Variants in GAB4 observed in about 807,000 individuals in gnomAD.
The protein encoded by GAB4 is GRB2 associated binding protein family member 4.
GAB4 carries 26 observed loss-of-function variants against 51.3 expected under a neutral mutation model. The observed-to-expected ratio is 0.51, with a 90% CI of 0.37 to 0.70. GAB4 has a LOEUF of 0.70. Among genes scored for constraint, GAB4 ranks in the 30% least tolerant of loss-of-function variants. The pLI is 0.00. For missense variants in GAB4, 759 were observed against 734.6 expected, an observed-to-expected ratio of 1.03 and a Z score of -0.38; for synonymous variants, 329 against 291.2, an observed-to-expected ratio of 1.13 and a Z score of -1.32.
intron 1 of GAB4, among the ~76,000 whole-genome samples, chr22:17,003,818 A>G (rs1208733206): frequency 6.6e-6 from 1 of 152,220 alleles, no homozygotes; most frequent in African/African-American, 2.4e-5. Context: ...AACACAAACT[A>G]AGATCAGAGC....
At chr22:16,995,648 C>T (rs112858598) in intron 1 of GAB4, among the ~76,000 whole-genome samples, 3,358 of 152,300 alleles carry the variant, frequency 0.022, 57 homozygotes, top group Middle Eastern at 0.068. Flanking sequence ...CTGCAGCCTC[C>T]ACTGGTGATA....
chr22:16,984,528 C>T (rs938114712), intron 3 of GAB4, among the ~76,000 whole-genome samples: 3 of 152,164 alleles, frequency 2.0e-5, no homozygotes, highest in Non-Finnish European at 4.4e-5. Flanking sequence ...GCTGGTTCTC[C>T]GTAAGCTGAG....
At chr22:17,001,203 A>C (rs531707135) in intron 1 of GAB4, among the ~76,000 whole-genome samples, 2 of 152,308 alleles carry the variant, frequency 1.3e-5, no homozygotes, top group South Asian at 4.1e-4. Context: ...TAGGTTGGGG[A>C]AATTCTCCTG....
At chr22:16,984,804 C>T (rs755416348) in intron 3 of GAB4, among the ~76,000 whole-genome samples, 3 of 152,212 alleles carry the variant, frequency 2.0e-5, no homozygotes, top group Non-Finnish European at 2.9e-5. Flanking sequence ...TCAGAATTAG[C>T]AGATCCCTTC....
At chr22:16,975,107 G>GTAGGAGT (rs1402631197) in intron 3 of GAB4, among the ~76,000 whole-genome samples, 3 of 152,218 alleles carry the variant, frequency 2.0e-5, no homozygotes, top group Admixed American at 6.5e-5. Flanking sequence ...CGAGCTAGCT[G>GTAGGAGT]TAGGAGTTTT....
chr22:16,989,285 G>A (rs1169787923), intron 2 of GAB4, among the ~76,000 whole-genome samples: 1 of 152,248 alleles, frequency 6.6e-6, no homozygotes. Flanking sequence ...TTTGGGTGGT[G>A]TTGATGGTGG....
chr22:16,969,625 G>A (rs2041607), intron 4 of GAB4: 228,312 of 620,860 alleles, frequency 0.37, 43,324 homozygotes, highest in South Asian at 0.46. Flanking sequence ...TGGTGACATC[G>A]GCTGTTGTCT....
intron 3 of GAB4, among the ~76,000 whole-genome samples, chr22:16,971,575 C>T (rs2060732550): frequency 6.6e-6 from 1 of 152,216 alleles, no homozygotes; most frequent in Non-Finnish European, 1.5e-5. Flanking sequence ...ATCCTTATAG[C>T]AGGAGTTCTC....
At chr22:17,003,043 T>A (rs1179417399) in intron 1 of GAB4, among the ~76,000 whole-genome samples, 1 of 152,078 alleles carries the variant, frequency 6.6e-6, no homozygotes, top group African/African-American at 2.4e-5. Context: ...TAGTCTCTGA[T>A]AAAACACACT....
intron 1 of GAB4, among the ~76,000 whole-genome samples, chr22:17,004,179 T>G (rs954658399): frequency 6.6e-6 from 1 of 152,056 alleles, no homozygotes; most frequent in African/African-American, 2.4e-5. Context: ...AAGCAATAAT[T>G]AATAGCCTAT....
chr22:16,989,978 T>G (rs1052641635), intron 2 of GAB4, among the ~76,000 whole-genome samples: 3 of 151,850 alleles, frequency 2.0e-5, no homozygotes, highest in Non-Finnish European at 4.4e-5. Context: ...CAAGCAGGTG[T>G]CCCCGATGCT....
chr22:16,994,023 G>C (rs560426945), intron 1 of GAB4, among the ~76,000 whole-genome samples: 36 of 151,626 alleles, frequency 2.4e-4, no homozygotes, highest in African/African-American at 6.1e-4. Flanking sequence ...CCTCTACTAG[G>C]ATCATTCCCA....
chr22:16,974,495 C>T (rs903701070), intron 3 of GAB4, among the ~76,000 whole-genome samples: 2 of 152,158 alleles, frequency 1.3e-5, no homozygotes, highest in African/African-American at 2.4e-5. Context: ...CAGCCAGCAG[C>T]GCAGTGCACC....
intron 1 of GAB4, among the ~76,000 whole-genome samples, chr22:16,993,800 C>T (rs1157576964): frequency 2.0e-5 from 3 of 152,196 alleles, no homozygotes; most frequent in Admixed American, 6.5e-5. Flanking sequence ...CTCCAACACC[C>T]TTATTTCTTT....
chr22:16,978,586 C>T (rs1464090523), intron 3 of GAB4, among the ~76,000 whole-genome samples: 9 of 152,078 alleles, frequency 5.9e-5, no homozygotes, highest in Non-Finnish European at 4.4e-5. Context: ...GATTCACAGC[C>T]GAATTCTAGC....
Position 16,968,368 on chromosome 22 carries a change from T to C in GAB4, c.953A>G (p.Tyr318Cys), listed in dbSNP as rs537986772. The C allele has an allele frequency of 6.2e-7, 1 of 1,613,932 alleles. No homozygotes were observed. The highest frequency in any genetic ancestry group is 8.5e-7 in the Non-Finnish European group (1 of 1,179,844). ...EADNEASSGK[Y>C]TQHGGGNASR... ...GGCATTCCCTCCACCATGCTGGGTGTACTTGCCGGAGGAAGCTACGACAGA... is the reference window on the plus strand; with the variant it reads ...GGCATTCCCTCCACCATGCTGGGTGCACTTGCCGGAGGAAGCTACGACAGA... Residue 318 changes from tyrosine to cysteine, a missense_variant, in exon 5 of 10, where the codon TAC becomes TGC. By Grantham distance (194) the Tyr-to-Cys change is radical. This residue lies in a region of GAB4 where 588 missense variants were observed against 510.2 expected (regional missense o/e 1.15). Coordinates refer to ENST00000400588, the MANE Select transcript of GAB4 (RefSeq NM_001037814.1).
intron 1 of GAB4, among the ~76,000 whole-genome samples, chr22:16,999,990 A>G (rs966201791): frequency 1.3e-5 from 2 of 152,122 alleles, no homozygotes; most frequent in Non-Finnish European, 2.9e-5. Flanking sequence ...GTTTGATTGC[A>G]CTGTGGTCTG....
chr22:16,990,541 C>A (rs1056621864), intron 2 of GAB4, among the ~76,000 whole-genome samples: 1 of 151,990 alleles, frequency 6.6e-6, no homozygotes, highest in African/African-American at 2.4e-5. Flanking sequence ...CTAACCCTGT[C>A]CTGTCACCCC....
chr22:16,997,988 CT>C (rs1233820778), intron 1 of GAB4, among the ~76,000 whole-genome samples: 1 of 152,166 alleles, frequency 6.6e-6, no homozygotes, highest in Non-Finnish European at 1.5e-5. Context: ...GGGCTCTGTT[CT>C]GTTCCATTGG....
Sources: gnomAD v4.1 joint callset for allele counts (sites outside exome capture counted in the v4.1 genomes callset) on GRCh38, gnomAD v4.1.1 for gene constraint, gnomAD v4.1.1 regional missense constraint, MANE v1.5 for transcripts, NCBI Gene and HGNC (gene_info 2026-07-23, HGNC 2026-07-21) for gene names.